The following MZT2A variants were observed in gnomAD, a reference collection of about 807,000 sequenced individuals.
MZT2A encodes mitotic spindle organizing protein 2A.
MZT2A carries 8 observed loss-of-function variants against 12.4 expected under a neutral mutation model. That is an observed-to-expected ratio of 0.64 (90% CI 0.38 to 1.16). MZT2A has a LOEUF of 1.16. Among genes scored for constraint, MZT2A ranks in the 50% most tolerant of loss-of-function variants. MZT2A has a pLI of 0.01. For synonymous variants in MZT2A, 88 were observed against 107.5 expected (o/e 0.82, Z 1.12); for missense variants, 181 against 223.6 (o/e 0.81, Z 1.22).
chr2:131,492,188 C>A lies in MZT2A; in HGVS notation c.170+19G>T, dbSNP rs780654145. 1.3e-6 allele frequency: 2 copies of A among 1,548,088 alleles called. No individual in the cohort carries two copies. Among genetic ancestry groups the A allele is most frequent in the Non-Finnish European group, 8.7e-7 (1 of 1,150,198 alleles). Reference sequence around the variant, plus strand: ...CGGGGGTGTCTGGCGAGCATGCGGCCCCCACCCGCCCCGCTCACTTGAACA... The same window carrying A: ...CGGGGGTGTCTGGCGAGCATGCGGCACCCACCCGCCCCGCTCACTTGAACA... On this transcript the variant is annotated intron_variant, in intron 1 of 2. Coordinates refer to ENST00000309451, the MANE Select transcript of MZT2A (RefSeq NM_001085365.2).
intron 2 of MZT2A, chr2:131,478,354 C>T: frequency 6.2e-7 from 1 of 1,613,880 alleles, no homozygotes; most frequent in South Asian, 1.1e-5. Flanking sequence ...GTGCCCAGAG[C>T]AGTGTTTGTG....
At chr2:131,479,684 A>G (rs1202798496), downstream of MZT2A, among the ~76,000 whole-genome samples, 6 of 152,178 alleles carry the variant, frequency 3.9e-5, no homozygotes, top group Non-Finnish European at 8.8e-5. Context: ...TACTAAAAAT[A>G]CAAAAATTAG....
At chr2:131,477,089 G>A (rs114549945) in intron 2 of MZT2A, among the ~76,000 whole-genome samples, 7,589 of 148,880 alleles carry the variant, frequency 0.051, 240 homozygotes, top group Non-Finnish European at 0.075. Flanking sequence ...CCAGGCTGGA[G>A]CACAGTTGCA....
In MZT2A at chr2:131,484,016, G is replaced by A. The variant is rs1436725233; in HGVS notation, c.*45C>T. 1.9e-6 allele frequency: 3 copies of A among 1,571,768 alleles called. No individual in the cohort carries two copies. In the Admixed American group the frequency reaches 5.3e-5, roughly 28 times the overall value. ...TATTATCAACTGAAGGAGGTAACAT[G>A]TAGCCTTTGCTGGGGACAAAGATGT... On this transcript the variant is annotated 3_prime_UTR_variant, in exon 3 of 3. Transcript: ENST00000309451.
chr2:131,485,800 C>A (rs1292594981), intron 2 of MZT2A, among the ~76,000 whole-genome samples: 1 of 152,032 alleles, frequency 6.6e-6, no homozygotes, highest in Non-Finnish European at 1.5e-5. Flanking sequence ...AACCGGGTGT[C>A]TAGGGACCCA....
intron 2 of MZT2A, among the ~76,000 whole-genome samples, chr2:131,476,790 C>T (rs1678687176): frequency 6.6e-6 from 1 of 151,708 alleles, no homozygotes; most frequent in South Asian, 2.1e-4. Flanking sequence ...CAAAAATTAC[C>T]CGGGCATGGT....
chr2:131,484,833 A>G (rs912138418), intron 2 of MZT2A, among the ~76,000 whole-genome samples: 7 of 152,174 alleles, frequency 4.6e-5, no homozygotes, highest in Admixed American at 2.6e-4. Flanking sequence ...TTCCTGCCAC[A>G]GTCTGAACGC....
At chr2:131,488,800 T>C (rs764943114) in intron 2 of MZT2A, among the ~76,000 whole-genome samples, 1 of 152,066 alleles carries the variant, frequency 6.6e-6, no homozygotes, top group East Asian at 1.9e-4. Context: ...CCACCCAGCC[T>C]ACAGGACCTG....
chr2:131,482,650 G>A (rs145551228), downstream of MZT2A: 25 of 1,614,084 alleles, frequency 1.5e-5, no homozygotes, highest in Non-Finnish European at 1.9e-5. Flanking sequence ...CGGCCATTGC[G>A]GAGGCCTGGG....
At chr2:131,477,304 G>A (rs981403685) in intron 2 of MZT2A, among the ~76,000 whole-genome samples, 1 of 152,154 alleles carries the variant, frequency 6.6e-6, no homozygotes, top group African/African-American at 2.4e-5. Flanking sequence ...TAAAGTGCTG[G>A]GATTATAGGA....
At chr2:131,480,650 CA>C (rs777156882), downstream of MZT2A, 10 of 1,613,684 alleles carry the variant, frequency 6.2e-6, no homozygotes, top group African/African-American at 1.1e-4. Flanking sequence ...GCATGTTGTA[CA>C]GGGGGGACGT....
At chr2:131,472,549 G>A (rs546739423) in intron 2 of MZT2A, among the ~76,000 whole-genome samples, 5 of 152,190 alleles carry the variant, frequency 3.3e-5, no homozygotes, top group East Asian at 1.9e-4. Flanking sequence ...ATGATGTTTC[G>A]GTCAACAACA....
chr2:131,491,998 T>G lies in MZT2A; in HGVS notation c.197A>C (p.Asn66Thr). The change falls in exon 2 of 3, where the codon AAC (asparagine) becomes ACC (threonine). Residue 66 changes from asparagine (N) to threonine (T), a missense_variant. Around this residue, in one of 3 missense-constraint regions of MZT2A, gnomAD observed 106 missense variants for 127.2 expected, o/e 0.83. Coordinates refer to ENST00000309451, the MANE Select transcript of MZT2A (RefSeq NM_001085365.2). ...CTGGAAGACGGCGAGGGGGGCCACGTTCAGCTTCAGCAGGTCCACCAGGAT... is the reference window on the plus strand; with the variant it reads ...CTGGAAGACGGCGAGGGGGGCCACGGTCAGCTTCAGCAGGTCCACCAGGAT... ...FKILVDLLKLNVAPLAVFQML... is the reference protein window; with the variant it reads ...FKILVDLLKLTVAPLAVFQML... 6.5e-7 allele frequency: 1 copy of G among 1,547,974 alleles called. No individual in the cohort carries two copies. The highest frequency in any genetic ancestry group is 1.2e-5 in the South Asian group (1 of 83,294).
At position 131,471,945 on chromosome 2, in the gene MZT2A, G is replaced by T. The variant is rs535988608; in HGVS notation, c.393+123C>A. The T allele has an allele frequency of 6.4e-4, 581 of 902,660 alleles. 4 individuals carry two copies. Among genetic ancestry groups the T allele is most frequent in the East Asian group, 2.0e-3 (27 of 13,838 alleles). The allele number at this position is 902,660 out of a possible 1,614,324, so 55.9% of individuals were successfully genotyped here. A position where few individuals can be genotyped will look rare whatever the true frequency, so the allele number is the denominator to read the frequency against. ...ACCAGGCTTGGCCCTGTTGTCCTGC[G>T]TGCAGCAGGGACAGTCCATGAGCAG... On this transcript the variant is annotated intron_variant and NMD_transcript_variant, in intron 3 of 4. Coordinates refer to the MZT2A transcript ENST00000427024.
At chr2:131,490,352 T>C in intron 2 of MZT2A, 2 of 1,067,868 alleles carry the variant, frequency 1.9e-6, no homozygotes, top group Non-Finnish European at 2.3e-6. Context: ...GGGGACAACT[T>C]CTAAGAGGCC....
upstream of MZT2A, chr2:131,492,945 T>A (rs1679409929): frequency 6.6e-7 from 1 of 1,524,158 alleles, no homozygotes; most frequent in South Asian, 1.2e-5. Flanking sequence ...CCTCGCCATT[T>A]CCCCTCCCTG....
At position 131,484,661 on chromosome 2, in the gene MZT2A, C is replaced by T. The variant is rs1473773699; in HGVS notation, c.320-443G>A. Among the ~76,000 whole-genome samples the T allele has an allele frequency of 2.0e-5, 3 of 152,232 alleles. No homozygotes were observed. The East Asian group carries it at 5.8e-4, about 29-fold the overall frequency. ...CACGCTGGACTGCACATCTGAGCTG[C>T]CCCAGATGGTGACAGGCAGGAAGTA... On this transcript the variant is annotated intron_variant, in intron 2 of 2. Coordinates refer to ENST00000309451, the MANE Select transcript of MZT2A (RefSeq NM_001085365.2).
At chr2:131,473,453 C>T (rs1486621348) in intron 2 of MZT2A, among the ~76,000 whole-genome samples, 1 of 149,486 alleles carries the variant, frequency 6.7e-6, no homozygotes, top group Non-Finnish European at 1.5e-5. Context: ...TCTCTGCTCT[C>T]CTCTCAGGAG....
intron 2 of MZT2A, chr2:131,490,360 G>A: frequency 9.2e-7 from 1 of 1,083,770 alleles, no homozygotes; most frequent in Non-Finnish European, 1.1e-6. Flanking sequence ...CTTCTAAGAG[G>A]CCGAGGCGTT....
Sources: gnomAD v4.1 joint callset for allele counts (sites outside exome capture counted in the v4.1 genomes callset) on GRCh38, gnomAD v4.1.1 for gene constraint, gnomAD v4.1.1 regional missense constraint, MANE v1.5 for transcripts, NCBI Gene and HGNC (gene_info 2026-07-23, HGNC 2026-07-21) for gene names.